The following KLHL1 variants were observed in gnomAD, a reference collection of about 807,000 sequenced individuals.
KLHL1 encodes kelch like family member 1.
In KLHL1, 47 loss-of-function variants were observed where a neutral mutation model predicts 77.7. The observed-to-expected ratio is 0.60, with a 90% CI of 0.48 to 0.77. The LOEUF (loss-of-function observed/expected upper bound fraction) is 0.77, where lower values mean the gene tolerates loss of function less well. Among genes scored for constraint, KLHL1 ranks in the 30% least tolerant of loss-of-function variants. The pLI, the probability that KLHL1 is intolerant of heterozygous loss-of-function variation, is 0.00. For missense variants in KLHL1, 925 were observed against 910.8 expected (o/e 1.02, Z -0.20); for synonymous variants, 360 against 325.2 (o/e 1.11, Z -1.15).
At chr13:69,858,978 A>T (rs74092619) in intron 5 of KLHL1, among the ~76,000 whole-genome samples, 1 of 152,084 alleles carries the variant, frequency 6.6e-6, no homozygotes, top group Admixed American at 6.6e-5. Context: ...TGATTCACCT[A>T]TTCATATACG....
chr13:69,792,386 A>T (rs1452478414), intron 7 of KLHL1, among the ~76,000 whole-genome samples: 1 of 152,186 alleles, frequency 6.6e-6, no homozygotes, highest in East Asian at 1.9e-4. Flanking sequence ...TACTGGGATT[A>T]TTTAAATAAA....
chr13:69,939,941 T>C (rs995283657), intron 4 of KLHL1, 99 bp downstream of exon 4: 4 of 886,362 alleles, frequency 4.5e-6, no homozygotes, highest in South Asian at 4.4e-5. Context: ...AGAAAACTCA[T>C]TTTAAACTTA....
At chr13:69,926,176 C>T (rs1882807002) in intron 4 of KLHL1, among the ~76,000 whole-genome samples, 1 of 152,190 alleles carries the variant, frequency 6.6e-6, no homozygotes, top group Non-Finnish European at 1.5e-5. Flanking sequence ...TGCTCTCAAA[C>T]ATCCTGCAAC....
At chr13:69,781,488 A>G (rs959885931) in intron 7 of KLHL1, among the ~76,000 whole-genome samples, 1 of 152,016 alleles carries the variant, frequency 6.6e-6, no homozygotes, top group Non-Finnish European at 1.5e-5. Flanking sequence ...ATTATTTTCT[A>G]GCACCTAGGA....
At chr13:69,797,117 A>C (rs1877145057) in intron 6 of KLHL1, among the ~76,000 whole-genome samples, 155 bp from the exon 7 acceptor site, 1 of 152,250 alleles carries the variant, frequency 6.6e-6, no homozygotes, top group Non-Finnish European at 1.5e-5. Context: ...TAGTAATTCA[A>C]CTACTTTATT....
intron 1 of KLHL1, among the ~76,000 whole-genome samples, chr13:70,086,488 G>A (rs1358477425): frequency 6.8e-6 from 1 of 147,630 alleles, no homozygotes; most frequent in Non-Finnish European, 1.5e-5. Flanking sequence ...GGTTGAGGCA[G>A]GAGAATCTCT....
chr13:69,867,836 A>G lies in KLHL1; in HGVS notation c.1227+14447T>C, dbSNP rs1022469795. 2.5e-5 allele frequency among the ~76,000 whole-genome samples: 3 copies of G among 121,248 alleles called. No homozygotes were observed. The Admixed American group carries it at 3.3e-4, about 13-fold the overall frequency. The allele number at this position is 121,248 out of a possible 152,430, so 79.5% of individuals were successfully genotyped here. A position where few individuals can be genotyped will look rare whatever the true frequency, so the allele number is the denominator to read the frequency against. On this transcript the variant is annotated intron_variant, in intron 5 of 10. Coordinates refer to ENST00000377844, the MANE Select transcript of KLHL1 (RefSeq NM_020866.3). ...GTGGACACAGGAAGGGGAACATCAC[A>G]CACTGGGGCCTGTTGTGGGGTGGGG... is the stretch of plus-strand genomic sequence containing the variant.
chr13:69,953,684 T>G (rs1443653255), intron 3 of KLHL1, among the ~76,000 whole-genome samples: 1 of 151,040 alleles, frequency 6.6e-6, no homozygotes, highest in East Asian at 1.9e-4. Context: ...AGCTAGTTGT[T>G]TAAAAAATTC....
Position 69,701,741 on chromosome 13 carries a change from C to T in KLHL1, c.2208G>A (p.Gly736=). The change falls in exon 11 of 11, where the codon GGG becomes GGA. Residue 736 remains glycine (G), a synonymous_variant. Transcript: ENST00000377844. ...EWTQMASLNI[G]RAGACVVVIK... ...TGACTACCACACAGGCACCTGCTCT[C>T]CCAATATTCAAGGAAGCCATCTGTT... is the stretch of plus-strand genomic sequence containing the variant. 1.2e-6 allele frequency: 2 copies of T among 1,606,378 alleles called. No individual in the cohort carries two copies. The highest frequency in any genetic ancestry group is 1.1e-5 in the South Asian group (1 of 89,680).
intron 4 of KLHL1, among the ~76,000 whole-genome samples, chr13:69,913,194 C>T (rs1882298307): frequency 1.3e-5 from 2 of 152,130 alleles, no homozygotes; most frequent in South Asian, 2.1e-4. Context: ...TCCCCCTATG[C>T]TCCCCCTTCA....
intron 1 of KLHL1, among the ~76,000 whole-genome samples, chr13:70,028,161 T>C (rs1886003579): frequency 6.6e-6 from 1 of 152,124 alleles, no homozygotes. Context: ...AATAAAACCA[T>C]TGCCCTTCTC....
At position 69,896,916 on chromosome 13, in the gene KLHL1, C is replaced by T. The variant is rs59483260; in HGVS notation, c.1015-14421G>A. Among the ~76,000 whole-genome samples the T allele has an allele frequency of 2.2e-4, 34 of 152,060 alleles. No homozygotes were observed. In the East Asian group the frequency reaches 4.1e-3, roughly 18 times the overall value. On this transcript the variant is annotated intron_variant, in intron 4 of 10. Transcript: ENST00000377844. Reference sequence around the variant, plus strand: ...TCGACTCCTGACCTCATGATCCGCCCGCCTCAGCCTCCCAATGTGCCGGGA... The same window carrying T: ...TCGACTCCTGACCTCATGATCCGCCTGCCTCAGCCTCCCAATGTGCCGGGA...
At chr13:70,041,281 T>C (rs565026722) in intron 1 of KLHL1, among the ~76,000 whole-genome samples, 32 of 152,304 alleles carry the variant, frequency 2.1e-4, no homozygotes, top group African/African-American at 7.7e-4. Flanking sequence ...GAGATCTTCC[T>C]GATTATCAGT....
Position 69,975,728 on chromosome 13 carries a change from G to A in KLHL1, c.572C>T (p.Ala191Val). ...GAAGGTTTGCTCAGCATGATGAACA[G>A]CTTGATAGAATTCTTCAGAGCTACT... ...DSSSSEEFYQ[A>V]VHHAEQTFRK... Residue 191 changes from alanine to valine, a missense_variant, in exon 2 of 11, where the codon GCT (alanine) becomes GTT (valine). Transcript: ENST00000377844. 2 of 1,613,468 alleles carry A rather than the reference G, an allele frequency of 1.2e-6. No individual in the cohort carries two copies. Among genetic ancestry groups the A allele is most frequent in the East Asian group, 2.2e-5 (1 of 44,810 alleles).
At chr13:70,001,618 C>CTAT (rs1885291295) in intron 1 of KLHL1, among the ~76,000 whole-genome samples, 2 of 87,554 alleles carry the variant, frequency 2.3e-5, no homozygotes, top group Non-Finnish European at 5.5e-5. Context: ...TATCTATCTA[C>CTAT]CTATCATCTT....
At chr13:69,755,961 T>C (rs1484950278) in intron 7 of KLHL1, among the ~76,000 whole-genome samples, 1 of 152,314 alleles carries the variant, frequency 6.6e-6, no homozygotes, top group East Asian at 1.9e-4. Flanking sequence ...TGAATCTTGT[T>C]CCCTGAGAGT....
At chr13:69,907,606 T>C (rs1882086131) in intron 4 of KLHL1, among the ~76,000 whole-genome samples, 1 of 152,012 alleles carries the variant, frequency 6.6e-6, no homozygotes, top group Middle Eastern at 3.4e-3. Context: ...ATATGGGTAA[T>C]ACAAACTGTA....
chr13:70,036,310 G>A (rs561909132), intron 1 of KLHL1, among the ~76,000 whole-genome samples: 223 of 151,764 alleles, frequency 1.5e-3, no homozygotes, highest in African/African-American at 4.8e-3. Context: ...TGCAAAAGAG[G>A]ACATATAATG....
chr13:70,017,831 A>G (rs1257549650), intron 1 of KLHL1, among the ~76,000 whole-genome samples: 1 of 152,230 alleles, frequency 6.6e-6, no homozygotes, highest in Non-Finnish European at 1.5e-5. Context: ...TAAACCTTGG[A>G]GTTCTTGCTG....
Sources: allele counts gnomAD v4.1 joint callset (sites outside exome capture counted in the v4.1 genomes callset), GRCh38; gene constraint gnomAD v4.1.1; transcripts MANE v1.5; gene names NCBI Gene and HGNC (gene_info 2026-07-23, HGNC 2026-07-21).